The following GARRE1 variants were observed in gnomAD, a reference collection of about 807,000 sequenced individuals.
The protein encoded by GARRE1 is granule associated Rac and RHOG effector 1.
GARRE1 carries 49 observed loss-of-function variants against 103.2 expected under a neutral mutation model. The observed-to-expected ratio is 0.47, with a 90% CI of 0.38 to 0.60. The LOEUF (loss-of-function observed/expected upper bound fraction) is 0.60, where lower values mean the gene tolerates loss of function less well. Among genes scored for constraint, GARRE1 ranks in the 20% least tolerant of loss-of-function variants. GARRE1 has a pLI of 0.00. For synonymous variants in GARRE1, 505 were observed against 532.8 expected, an observed-to-expected ratio of 0.95 and a Z score of 0.72; for missense variants, 1,199 against 1,370.5, an observed-to-expected ratio of 0.87 and a Z score of 1.98.
intron 2 of GARRE1, among the ~76,000 whole-genome samples, chr19:34,314,449 A>G (rs1376794333): frequency 5.3e-5 from 8 of 152,200 alleles, no homozygotes; most frequent in Admixed American, 5.2e-4. Context: ...GTATGTTTGT[A>G]TAGCTAATCT....
intron 1 of GARRE1, among the ~76,000 whole-genome samples, chr19:34,279,713 C>T (rs528312357): frequency 3.3e-5 from 5 of 152,118 alleles, no homozygotes; most frequent in South Asian, 2.1e-4. Flanking sequence ...TGGCCGGGCG[C>T]GGTGGCTCAC....
rs1389874959 is a variant in GARRE1 at position 34,352,870 on chromosome 19, C to G, written c.3128C>G (p.Pro1043Arg). 2 of 1,588,838 alleles carry G rather than the reference C, an allele frequency of 1.3e-6. No homozygotes were observed. The highest frequency in any genetic ancestry group is 4.5e-5 in the East Asian group (2 of 44,286). ...YVQTPPQPPPPPAHKAAPKGF... is the reference protein window; with the variant it reads ...YVQTPPQPPPRPAHKAAPKGF... ...CAGACCCCACCCCAGCCCCCACCCCCACCAGCACACAAGGCAGCACCCAAG... is the reference window on the plus strand; with the variant it reads ...CAGACCCCACCCCAGCCCCCACCCCGACCAGCACACAAGGCAGCACCCAAG... Residue 1043 changes from proline (P) to arginine (R), a missense_variant, in exon 14 of 14, where the codon CCA becomes CGA. Coordinates refer to ENST00000299505, the MANE Select transcript of GARRE1 (RefSeq NM_014686.5).
At chr19:34,264,644 C>T (rs541583006) in intron 1 of GARRE1, among the ~76,000 whole-genome samples, 11 of 152,238 alleles carry the variant, frequency 7.2e-5, no homozygotes, top group African/African-American at 1.2e-4. Flanking sequence ...GTGATCCGCC[C>T]ACCTCGGCCT....
Position 34,261,444 on chromosome 19 carries a change from A to G in GARRE1, c.-796+6830A>G, listed in dbSNP as rs574801430. On this transcript the variant is annotated intron_variant, in intron 1 of 13. Coordinates refer to ENST00000299505, the MANE Select transcript of GARRE1 (RefSeq NM_014686.5). ...TAGATAGCCTAAATAATTAATCCCC[A>G]TGGAACTGCTTGCTTCTGGGTGCAT... Among the ~76,000 whole-genome samples the G allele has an allele frequency of 5.3e-5, 8 of 152,004 alleles. No individual in the cohort carries two copies. The South Asian group carries it at 1.0e-3, about 20-fold the overall frequency.
intron 1 of GARRE1, among the ~76,000 whole-genome samples, chr19:34,292,817 G>C (rs1367159127): frequency 6.6e-6 from 1 of 151,614 alleles, no homozygotes; most frequent in Non-Finnish European, 1.5e-5. Context: ...TCACTGCAAG[G>C]CTCCGCCTTC....
intron 1 of GARRE1, among the ~76,000 whole-genome samples, chr19:34,287,738 C>T (rs537782424): frequency 1.3e-5 from 2 of 152,172 alleles, no homozygotes; most frequent in African/African-American, 4.8e-5. Flanking sequence ...AACCCTCTTT[C>T]GGGATGCAGA....
intron 1 of GARRE1, among the ~76,000 whole-genome samples, chr19:34,271,532 G>A (rs1264311708): frequency 6.6e-6 from 1 of 151,974 alleles, no homozygotes; most frequent in Non-Finnish European, 1.5e-5. Context: ...ACAGGTGTGA[G>A]CCACCACGCC....
At position 34,271,007 on chromosome 19, in the gene GARRE1, G is replaced by A. The variant is rs79526913; in HGVS notation, c.-796+16393G>A. Among the ~76,000 whole-genome samples the A allele has an allele frequency of 3.5e-3, 539 of 152,306 alleles. 3 individuals carry two copies. The highest frequency in any genetic ancestry group is 0.012 in the African/African-American group (517 of 41,554). The stretch of plus-strand genomic sequence containing the variant: ...CATTGCCAGATGTTGGTAGGGCAGA[G>A]AAGGACACAAAATTATACTTTTCCC... On this transcript the variant is annotated intron_variant, in intron 1 of 13. Coordinates refer to ENST00000299505, the MANE Select transcript of GARRE1 (RefSeq NM_014686.5).
chr19:34,257,160 C>T (rs972329020), intron 1 of GARRE1, among the ~76,000 whole-genome samples: 2 of 149,898 alleles, frequency 1.3e-5, no homozygotes, highest in African/African-American at 2.5e-5. Context: ...TTTAAGCATC[C>T]TTTTTTTTTT....
chr19:34,337,652 G>T (rs769411186), intron 8 of GARRE1, among the ~76,000 whole-genome samples: 9 of 152,122 alleles, frequency 5.9e-5, no homozygotes, highest in African/African-American at 2.2e-4. Flanking sequence ...ACAGGTAGAG[G>T]GTTTTAGGCA....
intron 3 of GARRE1, among the ~76,000 whole-genome samples, chr19:34,323,667 AC>A (rs1568306492): frequency 1.3e-5 from 2 of 151,716 alleles, no homozygotes; most frequent in East Asian, 3.9e-4. Flanking sequence ...TGACTTTACA[AC>A]CCTCGGTGTC....
In GARRE1 at chr19:34,300,767, A is replaced by G; in HGVS notation, c.294A>G (p.Thr98=). 1.2e-6 allele frequency: 2 copies of G among 1,614,216 alleles called. No individual in the cohort carries two copies. The highest frequency in any genetic ancestry group is 1.3e-5 in the African/African-American group (1 of 75,062). Residue 98 remains threonine (T), a synonymous_variant, in exon 2 of 14, where the codon ACA becomes ACG. Transcript: ENST00000299505. ...TCTGCCGTGCCAGTACTTTCCTCAC[A>G]GATCTCTTCAGCACTGTGTTCAGGA... ...NVFCRASTFL[T]DLFSTVFRNS...
rs557481697 is a variant in GARRE1, at chr19:34,345,369, G to A, written c.2522-2508G>A. Among the ~76,000 whole-genome samples the A allele has an allele frequency of 3.3e-5, 5 of 152,332 alleles. No individual in the cohort carries two copies. The East Asian group carries it at 9.6e-4, about 29-fold the overall frequency. On this transcript the variant is annotated intron_variant, in intron 10 of 13. Coordinates refer to ENST00000299505, the MANE Select transcript of GARRE1 (RefSeq NM_014686.5). The stretch of plus-strand genomic sequence containing the variant: ...GCCTGCAACCCTGGGCCACAAGAAG[G>A]GTAAACACCTCCATCCTGCTAAGAA...
At chr19:34,344,955 C>T (rs1467366122) in intron 10 of GARRE1, among the ~76,000 whole-genome samples, 1 of 152,166 alleles carries the variant, frequency 6.6e-6, no homozygotes, top group Non-Finnish European at 1.5e-5. Context: ...TCTCCTGCCT[C>T]AGCCTCCTGA....
intron 1 of GARRE1, chr19:34,285,305 T>G (rs965481811): frequency 2.6e-5 from 4 of 152,112 alleles, no homozygotes; most frequent in African/African-American, 9.7e-5. Flanking sequence ...GTACATTGTT[T>G]CTTGGCAAAA....
At chr19:34,328,476 C>CT (rs1396070645) in intron 6 of GARRE1, among the ~76,000 whole-genome samples, 1 of 148,780 alleles carries the variant, frequency 6.7e-6, no homozygotes, top group Non-Finnish European at 1.5e-5. Context: ...TGGCAGTGAG[C>CT]TGAGATTGCG....
At chr19:34,271,245 C>CTTT (rs1199086211) in intron 1 of GARRE1, among the ~76,000 whole-genome samples, 29 of 105,614 alleles carry the variant, frequency 2.7e-4, no homozygotes, top group East Asian at 5.5e-4. Flanking sequence ...TGTGCACTTT[C>CTTT]TTTTTTTTTT....
intron 1 of GARRE1, among the ~76,000 whole-genome samples, chr19:34,270,381 T>C (rs866613541): frequency 7.2e-5 from 11 of 152,164 alleles, no homozygotes; most frequent in African/African-American, 2.7e-4. Flanking sequence ...GACAGCACTT[T>C]TGTGAAGGAA....
intron 1 of GARRE1, among the ~76,000 whole-genome samples, chr19:34,264,492 C>T (rs562761960): frequency 1.1e-4 from 17 of 152,010 alleles, no homozygotes; most frequent in Non-Finnish European, 2.2e-4. Flanking sequence ...TCTGCCTCCC[C>T]GGTTCACGCC....
Sources: gnomAD v4.1 joint callset for allele counts (sites outside exome capture counted in the v4.1 genomes callset) on GRCh38, gnomAD v4.1.1 for gene constraint, MANE v1.5 for transcripts, NCBI Gene and HGNC (gene_info 2026-07-23, HGNC 2026-07-21) for gene names.